The following GREB1L variants were observed in gnomAD, a reference collection of about 807,000 sequenced individuals.
The protein encoded by GREB1L is GREB1-like protein.
In GREB1L, 17 loss-of-function variants were observed where a neutral mutation model predicts 200.8. That is an observed-to-expected ratio of 0.08 (90% CI 0.06 to 0.13). The LOEUF (loss-of-function observed/expected upper bound fraction) is 0.13, where lower values mean the gene tolerates loss of function less well. GREB1L is among the 10% of genes least tolerant of loss of function. The probability of loss-of-function intolerance (pLI) is 1.00; values close to 1 mark genes in which losing one functional copy is unlikely to be tolerated. For synonymous variants in GREB1L, 789 were observed against 893.0 expected, an observed-to-expected ratio of 0.88 and a Z score of 2.08; for missense variants, 1,657 against 2,367.7, an observed-to-expected ratio of 0.70 and a Z score of 6.23.
Position 21,495,706 on chromosome 18 carries a change from C to T in GREB1L, c.3067C>T (p.Arg1023Trp). 6.5e-7 allele frequency: 1 copy of T among 1,544,420 alleles called. No individual in the cohort carries two copies. The highest frequency in any genetic ancestry group is 8.8e-7 in the Non-Finnish European group (1 of 1,141,324). Residue 1023 changes from arginine (R) to tryptophan (W), a missense_variant, in exon 20 of 33, where the codon CGG (arginine) becomes TGG (tryptophan). Transcript: ENST00000424526. ...RGNEPEEWIP[R>W]TYQDLDGLPC... is the part of the protein sequence containing the mutation. ...AAATGAACCAGAAGAGTGGATCCCT[C>T]GGACATACCAAGATTTAGACGGTCT...
chr18:21,440,517 C>A, intron 9 of GREB1L, 129 bp downstream of exon 9: 1 of 921,306 alleles, frequency 1.1e-6, no homozygotes, highest in Non-Finnish European at 1.6e-6. Context: ...AATGTTTTGT[C>A]CCGATCACAT....
intron 1 of GREB1L, among the ~76,000 whole-genome samples, chr18:21,329,926 C>T (rs558448849): frequency 5.3e-5 from 8 of 150,470 alleles, no homozygotes; most frequent in Non-Finnish European, 1.2e-4. Context: ...ATCCTACATT[C>T]CAATTTCTTG....
At chr18:21,304,059 T>C (rs1193597093) in intron 1 of GREB1L, among the ~76,000 whole-genome samples, 6 of 152,194 alleles carry the variant, frequency 3.9e-5, no homozygotes, top group Non-Finnish European at 1.5e-5. Context: ...ACTCTTTTGA[T>C]GTAGCAGTAC....
intron 11 of GREB1L, among the ~76,000 whole-genome samples, chr18:21,448,428 G>C (rs930744594): frequency 2.0e-5 from 3 of 152,146 alleles, no homozygotes; most frequent in African/African-American, 7.2e-5. Context: ...TCCCAGAAAA[G>C]ATGGGAAGGG....
intron 7 of GREB1L, among the ~76,000 whole-genome samples, chr18:21,436,229 A>G (rs1280382943): frequency 1.3e-5 from 2 of 152,192 alleles, no homozygotes. Flanking sequence ...TTAATTTATC[A>G]TAGGGATAAT....
chr18:21,397,569 G>C (rs1295690282), intron 5 of GREB1L, among the ~76,000 whole-genome samples: 1 of 147,208 alleles, frequency 6.8e-6, no homozygotes, highest in East Asian at 2.0e-4. Flanking sequence ...GCTGGGCGTG[G>C]TGGCGCTTGT....
rs200189041 is a variant in GREB1L, at chr18:21,289,546, G to GC, written c.-120+47154dup. Among the ~76,000 whole-genome samples the GC allele has an allele frequency of 1.0e-2, 1,503 of 150,954 alleles. 31 individuals carry two copies. The highest frequency in any genetic ancestry group is 0.034 in the African/African-American group (1,416 of 41,266). Reference sequence around the variant, plus strand: ...AGACACAGTGAGACCATCCCCCCCCGCAAAAAAAAGGCTTTCTGGTCTTAT... The same window carrying GC: ...AGACACAGTGAGACCATCCCCCCCCGCCAAAAAAAAGGCTTTCTGGTCTTAT... On this transcript the variant is annotated intron_variant, in intron 1 of 32. Coordinates refer to ENST00000424526, the MANE Select transcript of GREB1L (RefSeq NM_001142966.3).
At chr18:21,311,554 G>A (rs1035035101) in intron 1 of GREB1L, among the ~76,000 whole-genome samples, 3 of 152,074 alleles carry the variant, frequency 2.0e-5, no homozygotes, top group African/African-American at 4.8e-5. Flanking sequence ...AGCGGCACCC[G>A]TCCATCTGCC....
chr18:21,506,085 C>A, intron 25 of GREB1L, 136 bp downstream of exon 25: 1 of 952,554 alleles, frequency 1.0e-6, no homozygotes, highest in Non-Finnish European at 1.5e-6. Flanking sequence ...TAAGAAGGAG[C>A]CACTCATTGG....
intron 7 of GREB1L, among the ~76,000 whole-genome samples, chr18:21,438,189 G>A (rs1020713550): frequency 1.1e-4 from 17 of 151,994 alleles, no homozygotes; most frequent in Admixed American, 3.3e-4. Context: ...TGGGAGGACC[G>A]CCTGAGCCCA....
rs142247874 is a variant in GREB1L at position 21,373,790 on chromosome 18, G to T, written c.-10+7654G>T. ...ACAGAAAGAGTAGAATAAATGCTTT[G>T]CTCTTTTCTTTTCCTGCTTGTAGTG... On this transcript the variant is annotated intron_variant, in intron 2 of 32. Transcript: ENST00000424526. Among the ~76,000 whole-genome samples, 206 of 152,260 alleles carry T rather than the reference G, an allele frequency of 1.4e-3. 2 individuals carry two copies. The highest frequency in any genetic ancestry group is 3.4e-3 in the Middle Eastern group (1 of 294).
At chr18:21,350,780 A>T (rs532919540) in intron 1 of GREB1L, among the ~76,000 whole-genome samples, 1 of 152,282 alleles carries the variant, frequency 6.6e-6, no homozygotes, top group South Asian at 2.1e-4. Context: ...AAGTTAGAAC[A>T]TCTATAAGAA....
intron 15 of GREB1L, among the ~76,000 whole-genome samples, chr18:21,470,559 G>A (rs770452023): frequency 6.6e-6 from 1 of 151,908 alleles, no homozygotes; most frequent in Non-Finnish European, 1.5e-5. Flanking sequence ...ACTGATTTTT[G>A]TAAATTGATT....
chr18:21,275,900 G>A (rs1053406873), intron 1 of GREB1L, among the ~76,000 whole-genome samples: 1 of 152,188 alleles, frequency 6.6e-6, no homozygotes, highest in Non-Finnish European at 1.5e-5. Flanking sequence ...CGTTGAATGT[G>A]ACGTCAAAAC....
chr18:21,454,320 G>A, intron 14 of GREB1L, 46 bp from the exon 15 acceptor site: 1 of 1,305,596 alleles, frequency 7.7e-7, no homozygotes, highest in South Asian at 1.3e-5. Context: ...GTGGCCATTA[G>A]GGAAGTAAAT....
chr18:21,416,908 T>C (rs1438554116), intron 7 of GREB1L, among the ~76,000 whole-genome samples: 2 of 151,736 alleles, frequency 1.3e-5, no homozygotes, highest in Non-Finnish European at 2.9e-5. Flanking sequence ...GCATCTGTAA[T>C]CCCAGCTACT....
intron 13 of GREB1L, 78 bp from the exon 14 acceptor site, chr18:21,452,005 C>G (rs1332615359): frequency 7.2e-7 from 1 of 1,385,658 alleles, no homozygotes; most frequent in Admixed American, 2.2e-5. Flanking sequence ...AACAGCCTAA[C>G]TGCCCAACTT....
In GREB1L at chr18:21,325,017, A is replaced by G. The variant is rs543767457; in HGVS notation, c.-119-41010A>G. On this transcript the variant is annotated intron_variant, in intron 1 of 32. Transcript: ENST00000424526. ...GGATTGCCTTTTCATTGCTCTCAAGACACTTAACTGGAATTTCAGAAAGAT... is the reference window on the plus strand; with the variant it reads ...GGATTGCCTTTTCATTGCTCTCAAGGCACTTAACTGGAATTTCAGAAAGAT... 2.0e-5 allele frequency among the ~76,000 whole-genome samples: 3 copies of G among 152,308 alleles called. No individual in the cohort carries two copies. In the South Asian group the frequency reaches 6.2e-4, roughly 32 times the overall value.
chr18:21,508,101 C>A lies in GREB1L; in HGVS notation c.4369-17C>A. 1 of 1,550,652 alleles carries A rather than the reference C, an allele frequency of 6.4e-7. No homozygotes were observed. Among genetic ancestry groups the A allele is most frequent in the African/African-American group, 1.4e-5 (1 of 73,152 alleles). On this transcript the variant is annotated splice_polypyrimidine_tract_variant and intron_variant, in intron 25 of 32. Coordinates refer to ENST00000424526, the MANE Select transcript of GREB1L (RefSeq NM_001142966.3). ...GGGCTTACTTACGTTCCCTCCCTTT[C>A]TTCTTTGCAAATGTAGATGTCTGAC... is the stretch of plus-strand genomic sequence containing the variant.
Sources: gnomAD v4.1 joint callset for allele counts (sites outside exome capture counted in the v4.1 genomes callset) on GRCh38, gnomAD v4.1.1 for gene constraint, MANE v1.5 for transcripts, NCBI Gene and HGNC (gene_info 2026-07-23, HGNC 2026-07-21) for gene names.